Variants in ADGRL1 observed in about 807,000 individuals in gnomAD.
ADGRL1 encodes the protein adhesion G protein-coupled receptor L1, also known as CIRL-1.
Under a neutral mutation model 148.9 loss-of-function variants are expected in ADGRL1, and 31 were observed. That is an observed-to-expected ratio of 0.21 (90% CI 0.16 to 0.28). The LOEUF (loss-of-function observed/expected upper bound fraction) is 0.28. Among genes scored for constraint, ADGRL1 ranks in the 10% least tolerant of loss-of-function variants. The pLI, the probability that ADGRL1 is intolerant of heterozygous loss-of-function variation, is 1.00. For missense variants in ADGRL1, 1,521 were observed against 2,058.8 expected, an observed-to-expected ratio of 0.74 and a Z score of 5.05; for synonymous variants, 937 against 900.3, an observed-to-expected ratio of 1.04 and a Z score of -0.73.
chr19:14,192,275 C>T (rs1339014465), intron 1 of ADGRL1, among the ~76,000 whole-genome samples: 1 of 152,134 alleles, frequency 6.6e-6, no homozygotes, highest in Admixed American at 6.6e-5. Flanking sequence ...GAGTTTCACT[C>T]TGTCGCTCAG....
intron 16 of ADGRL1, 36 bp downstream of exon 16, chr19:14,156,622 A>C: frequency 6.3e-7 from 1 of 1,578,586 alleles, no homozygotes; most frequent in Non-Finnish European, 8.6e-7. Flanking sequence ...TGGATGAAGG[A>C]AGATGTGGTG....
intron 1 of ADGRL1, among the ~76,000 whole-genome samples, chr19:14,203,170 C>A (rs1394547740): frequency 6.6e-6 from 1 of 152,080 alleles, no homozygotes; most frequent in East Asian, 1.9e-4. Context: ...ACCCAGGGAA[C>A]CCCCGCCTCA....
chr19:14,186,568 G>A (rs1971584869), intron 1 of ADGRL1, among the ~76,000 whole-genome samples: 1 of 152,056 alleles, frequency 6.6e-6, no homozygotes, highest in South Asian at 2.1e-4. Flanking sequence ...ACAGCACCCA[G>A]GCCCATGCAC....
chr19:14,151,984 G>A (rs1417139044), intron 22 of ADGRL1, 149 bp downstream of exon 22: 22 of 757,084 alleles, frequency 2.9e-5, no homozygotes, highest in African/African-American at 6.9e-5. Flanking sequence ...TCCTCCATTC[G>A]GCTGCCAGAG....
Position 14,150,977 on chromosome 19 carries a change from A to T in ADGRL1, c.4306T>A (p.Tyr1436Asn). Residue 1436 changes from tyrosine to asparagine, a missense_variant, in exon 23 of 23, where the codon TAC becomes AAC. By Grantham distance (143) the Tyr-to-Asn change is moderately radical (BLOSUM62 -2). Around this residue, in one of 8 missense-constraint regions of ADGRL1, gnomAD observed 390 missense variants for 375.0 expected, o/e 1.04. Transcript: ENST00000361434. Reference protein sequence around the residue: ...LVARNPLQGYYQVRRPSHEGY... With the variant: ...LVARNPLQGYNQVRRPSHEGY... The stretch of plus-strand genomic sequence containing the variant: ...TCGTGGCTAGGACGCCGCACCTGGT[A>T]GTAGCCCTGCAGGGGATTCCGGGCC... 2 of 1,585,728 alleles carry T rather than the reference A, an allele frequency of 1.3e-6. No homozygotes were observed. Among genetic ancestry groups the T allele is most frequent in the Non-Finnish European group, 1.7e-6 (2 of 1,166,232 alleles).
chr19:14,166,582 A>AAG (rs3036177), intron 4 of ADGRL1, among the ~76,000 whole-genome samples: 116 of 146,580 alleles, frequency 7.9e-4, no homozygotes, highest in Middle Eastern at 3.6e-3. Flanking sequence ...GAGAGAGAGA[A>AAG]AGAGAGAGAG....
intron 1 of ADGRL1, among the ~76,000 whole-genome samples, chr19:14,189,339 G>A (rs553081350): frequency 6.6e-6 from 1 of 151,644 alleles, no homozygotes; most frequent in African/African-American, 2.4e-5. Context: ...TCCCATCTCA[G>A]CCTCCTGAGT....
Position 14,163,464 on chromosome 19 carries a change from A to AGGAGAGAG in ADGRL1, c.395-66_395-59dup, listed in dbSNP as rs1969621068. The AGGAGAGAG allele has an allele frequency of 6.4e-6, 5 of 784,056 alleles. No individual in the cohort carries two copies. In the East Asian group the frequency reaches 8.8e-5, roughly 14 times the overall value. 48.6% of individuals were successfully genotyped at this position (784,056 alleles called of 1,614,324 possible). A position where few individuals can be genotyped will look rare whatever the true frequency, so the allele number is the denominator to read the frequency against. ...GAGAGAAGGGGCAGAGGCGAGAGGGAGGAGAGAGAGAGAGAGAGAGAGAGA... is the reference window on the plus strand; with the variant it reads ...GAGAGAAGGGGCAGAGGCGAGAGGGAGGAGAGAGGGAGAGAGAGAGAGAGAGAGAGAGA... On this transcript the variant is annotated intron_variant, in intron 4 of 22. Transcript: ENST00000361434.
At chr19:14,204,680 AAGAC>A (rs1368914024) in intron 1 of ADGRL1, among the ~76,000 whole-genome samples, 5 of 149,938 alleles carry the variant, frequency 3.3e-5, no homozygotes, top group Middle Eastern at 3.2e-3. Flanking sequence ...GGAAGAGAGA[AAGAC>A]AGAGAGAGAT....
intron 3 of ADGRL1, among the ~76,000 whole-genome samples, chr19:14,174,765 A>T (rs1286839194): frequency 6.7e-6 from 1 of 149,444 alleles, no homozygotes; most frequent in East Asian, 2.0e-4. Flanking sequence ...CGAACTCCTG[A>T]CCTCAAGTGA....
rs1436041904 is a variant in ADGRL1 at position 14,155,254 on chromosome 19, G to A, written c.3294+105C>T. ...AGAAGCCCTGCAGCACTCACTGGGG[G>A]CTTGAGGGAGCCCCTGAGTCCCCTC... On this transcript the variant is annotated intron_variant, in intron 18 of 22. Transcript: ENST00000361434. This position sits in a 1 kb window ranked among gnomAD's most constrained non-coding sequence, Gnocchi z 5.0. The A allele has an allele frequency of 1.5e-6, 2 of 1,326,758 alleles. No homozygotes were observed. Among genetic ancestry groups the A allele is most frequent in the Admixed American group, 4.0e-5 (2 of 49,848 alleles). 82.2% of individuals were successfully genotyped at this position (1,326,758 alleles called of 1,614,324 possible).
Position 14,152,045 on chromosome 19 carries a change from T to C in ADGRL1, c.3667+88A>G. ...GTGGGCATGGGGAGGCATCCCGAGT[T>C]CTCCTCCTTAAGTGAGGCCGTCTGA... is the stretch of plus-strand genomic sequence containing the variant. On this transcript the variant is annotated intron_variant, in intron 22 of 22. Transcript: ENST00000361434. The surrounding 1 kb of genome is among the most constrained non-coding windows in gnomAD (Gnocchi z 6.1). 1.6e-6 allele frequency: 2 copies of C among 1,265,284 alleles called. No homozygotes were observed. Among genetic ancestry groups the C allele is most frequent in the Non-Finnish European group, 2.3e-6 (2 of 862,976 alleles). 78.4% of individuals were successfully genotyped at this position (1,265,284 alleles called of 1,614,324 possible).
At chr19:14,173,741 G>GT (rs1020055237) in intron 3 of ADGRL1, among the ~76,000 whole-genome samples, 4 of 152,140 alleles carry the variant, frequency 2.6e-5, no homozygotes, top group African/African-American at 7.2e-5. Context: ...GAGGTCAGAA[G>GT]TTTGAGACCA....
chr19:14,192,398 G>C (rs531548431), intron 1 of ADGRL1, among the ~76,000 whole-genome samples: 4 of 147,348 alleles, frequency 2.7e-5, no homozygotes, highest in African/African-American at 5.1e-5. Context: ...ACGCCACCAC[G>C]CCTGCCTAAT....
chr19:14,159,855 C>T lies in ADGRL1; in HGVS notation c.1801-82G>A, dbSNP rs1049944677. 1.6e-6 allele frequency: 2 copies of T among 1,279,982 alleles called. No homozygotes were observed. Among genetic ancestry groups the T allele is most frequent in the African/African-American group, 2.9e-5 (2 of 68,546 alleles). 79.3% of individuals were successfully genotyped at this position (1,279,982 alleles called of 1,614,324 possible). Reference sequence around the variant, plus strand: ...CTAATACTGTCACATCTGGATAGCTCTCTCGTCTGCGGTTACCACTGACCC... The same window carrying T: ...CTAATACTGTCACATCTGGATAGCTTTCTCGTCTGCGGTTACCACTGACCC... On this transcript the variant is annotated intron_variant, in intron 8 of 22. Transcript: ENST00000361434. This position sits in a 1 kb window ranked among gnomAD's most constrained non-coding sequence, Gnocchi z 6.0.
At chr19:14,151,764 C>T in intron 22 of ADGRL1, 149 bp from the exon 23 acceptor site, 1 of 750,488 alleles carries the variant, frequency 1.3e-6, no homozygotes, top group East Asian at 2.6e-5. Context: ...TCTGATCTCA[C>T]ATTCCCTTTC....
chr19:14,152,025 C>T lies in ADGRL1; in HGVS notation c.3667+108G>A, dbSNP rs886119857. On this transcript the variant is annotated intron_variant, in intron 22 of 22. Transcript: ENST00000361434. This position sits in a 1 kb window ranked among gnomAD's most constrained non-coding sequence, Gnocchi z 6.1. ...GTGTCGGGGGGTGGGGAAATGTGGG[C>T]ATGGGGAGGCATCCCGAGTTCTCCT... is the stretch of plus-strand genomic sequence containing the variant. The T allele has an allele frequency of 2.7e-5, 27 of 992,012 alleles. No homozygotes were observed. Among genetic ancestry groups the T allele is most frequent in the Non-Finnish European group, 3.7e-5 (23 of 620,992 alleles). 61.5% of individuals were successfully genotyped at this position (992,012 alleles called of 1,614,324 possible).
Position 14,159,983 on chromosome 19 carries a change from G to A in ADGRL1, c.1800+129C>T, listed in dbSNP as rs577768037. ...CCGGCAGTCCTTGGCGGAGAGGGGGGGGTCCTTCCTCTCTGAGGAAAGGAG... is the reference window on the plus strand; with the variant it reads ...CCGGCAGTCCTTGGCGGAGAGGGGGAGGTCCTTCCTCTCTGAGGAAAGGAG... On this transcript the variant is annotated intron_variant, in intron 8 of 22. Transcript: ENST00000361434. The surrounding 1 kb of genome is among the most constrained non-coding windows in gnomAD (Gnocchi z 6.0). 8 of 1,084,694 alleles carry A rather than the reference G, an allele frequency of 7.4e-6. No homozygotes were observed. The Admixed American group carries it at 1.5e-4, about 20-fold the overall frequency. The allele number at this position is 1,084,694 out of a possible 1,614,324, so 67.2% of individuals were successfully genotyped here.
At chr19:14,183,218 C>CGAGA (rs1262220395) in intron 2 of ADGRL1, among the ~76,000 whole-genome samples, 4 of 124,868 alleles carry the variant, frequency 3.2e-5, no homozygotes, top group African/African-American at 1.1e-4. Flanking sequence ...AGAGAGAGAG[C>CGAGA]GAGAGAGAGA....
Sources: allele counts gnomAD v4.1 joint callset (sites outside exome capture counted in the v4.1 genomes callset), GRCh38; gene constraint gnomAD v4.1.1; regional missense constraint gnomAD v4.1.1; non-coding constraint Gnocchi (gnomAD v3.1); transcripts MANE v1.5; gene names NCBI Gene and HGNC (gene_info 2026-07-23, HGNC 2026-07-21).